The following DLC1 variants were observed in gnomAD, a reference collection of about 807,000 sequenced individuals.
DLC1 encodes the protein rho GTPase-activating protein 7.
In DLC1, 54 loss-of-function variants were observed where a neutral mutation model predicts 140.3. The observed-to-expected ratio is 0.38, with a 90% CI of 0.31 to 0.48. The LOEUF (loss-of-function observed/expected upper bound fraction) is 0.48. DLC1 is among the 20% of genes least tolerant of loss of function. DLC1 has a pLI of 0.96. For missense variants in DLC1, 2,536 were observed against 1,907.0 expected (o/e 1.33, Z -6.14); for synonymous variants, 986 against 728.1 (o/e 1.35, Z -5.70).
At chr8:13,169,338 A>G (rs1343255268) in intron 5 of DLC1, among the ~76,000 whole-genome samples, 3 of 152,232 alleles carry the variant, frequency 2.0e-5, no homozygotes, top group Non-Finnish European at 4.4e-5. Context: ...GTTGAATTAC[A>G]TATGAGAACG....
chr8:13,257,063 A>C (rs925033014), intron 5 of DLC1, among the ~76,000 whole-genome samples: 2 of 151,974 alleles, frequency 1.3e-5, no homozygotes, highest in African/African-American at 4.8e-5. Context: ...TTTTTATTGG[A>C]AGATATGATC....
At chr8:13,142,185 G>A (rs900601431) in intron 5 of DLC1, among the ~76,000 whole-genome samples, 12 of 152,284 alleles carry the variant, frequency 7.9e-5, no homozygotes, top group East Asian at 3.9e-4. Flanking sequence ...CCCCAGCGGT[G>A]GCGAACTGTG....
At chr8:13,590,098 G>A (rs1482261000) in intron 1 of DLC1, among the ~76,000 whole-genome samples, 1 of 121,548 alleles carries the variant, frequency 8.2e-6, no homozygotes, top group Non-Finnish European at 1.8e-5. Context: ...CTTTTATTTT[G>A]TTTTATTTTC....
intron 2 of DLC1, among the ~76,000 whole-genome samples, chr8:13,403,383 A>T (rs1174170856): frequency 6.6e-6 from 1 of 152,342 alleles, no homozygotes; most frequent in East Asian, 1.9e-4. Context: ...TATTTAGGTT[A>T]ATTCCCTTCT....
At chr8:13,308,143 T>G (rs893315774) in intron 4 of DLC1, among the ~76,000 whole-genome samples, 5 of 152,204 alleles carry the variant, frequency 3.3e-5, no homozygotes, top group African/African-American at 1.2e-4. Flanking sequence ...CATGTGTAAT[T>G]AAATATTTAA....
chr8:13,186,159 G>T (rs1371264503), intron 5 of DLC1, among the ~76,000 whole-genome samples: 1 of 152,046 alleles, frequency 6.6e-6, no homozygotes, highest in Non-Finnish European at 1.5e-5. Context: ...TATCTTTGTG[G>T]TGTTCTCTGT....
chr8:13,199,417 C>A (rs1384331940), intron 5 of DLC1, among the ~76,000 whole-genome samples: 1 of 151,944 alleles, frequency 6.6e-6, no homozygotes, highest in African/African-American at 2.4e-5. Context: ...CTCCAGGCCT[C>A]ACGCAATCCT....
chr8:13,526,199 C>T (rs1802917770), intron 1 of DLC1, among the ~76,000 whole-genome samples: 1 of 152,242 alleles, frequency 6.6e-6, no homozygotes, highest in Non-Finnish European at 1.5e-5. Flanking sequence ...CAATACCACA[C>T]TGCATTAACT....
At chr8:13,208,259 A>G (rs1827770361) in intron 5 of DLC1, among the ~76,000 whole-genome samples, 1 of 152,164 alleles carries the variant, frequency 6.6e-6, no homozygotes, top group African/African-American at 2.4e-5. Flanking sequence ...CAAGAAATTT[A>G]ATAAAATATG....
chr8:13,527,045 T>C (rs1802940428), intron 1 of DLC1, among the ~76,000 whole-genome samples: 1 of 152,162 alleles, frequency 6.6e-6, no homozygotes, highest in African/African-American at 2.4e-5. Flanking sequence ...TCCAGCAGCT[T>C]CAAAGATTCT....
At chr8:13,462,908 A>G (rs1214588467) in intron 2 of DLC1, among the ~76,000 whole-genome samples, 1 of 152,132 alleles carries the variant, frequency 6.6e-6, no homozygotes, top group East Asian at 1.9e-4. Flanking sequence ...AGCTACCCCT[A>G]TGGTTTTATT....
At chr8:13,181,262 C>A (rs968400171) in intron 5 of DLC1, among the ~76,000 whole-genome samples, 1 of 152,052 alleles carries the variant, frequency 6.6e-6, no homozygotes, top group South Asian at 2.1e-4. Flanking sequence ...ATGGCTGCTG[C>A]CTCAGCCTTC....
At chr8:13,514,973 C>A (rs998808764), upstream of DLC1, 3 of 248,436 alleles carry the variant, frequency 1.2e-5, no homozygotes, top group Admixed American at 1.1e-4. Context: ...GAGAGCCCAG[C>A]CGCCTGGGCG....
intron 1 of DLC1, among the ~76,000 whole-genome samples, chr8:13,544,014 T>A (rs1585258711): frequency 6.6e-6 from 1 of 151,694 alleles, no homozygotes; most frequent in South Asian, 2.1e-4. Flanking sequence ...TACAAAAATT[T>A]AAAAAAATAA....
chr8:13,229,557 C>T (rs952638378), intron 5 of DLC1, among the ~76,000 whole-genome samples: 3 of 151,214 alleles, frequency 2.0e-5, no homozygotes, highest in Non-Finnish European at 4.4e-5. Context: ...AAATTGTGTA[C>T]TTGAAATAGG....
intron 2 of DLC1, among the ~76,000 whole-genome samples, chr8:13,462,516 G>A (rs1208170565): frequency 2.7e-5 from 4 of 150,200 alleles, no homozygotes; most frequent in African/African-American, 7.4e-5. Flanking sequence ...CCATTCTCCT[G>A]CCCCAGCCTC....
chr8:13,390,367 T>C (rs1051214895), intron 4 of DLC1, among the ~76,000 whole-genome samples: 6 of 152,206 alleles, frequency 3.9e-5, no homozygotes, highest in Non-Finnish European at 8.8e-5. Flanking sequence ...CAGTCTATCA[T>C]TGATGGGCAT....
chr8:13,154,899 G>T (rs1039236653), intron 5 of DLC1, among the ~76,000 whole-genome samples: 2 of 151,860 alleles, frequency 1.3e-5, no homozygotes, highest in African/African-American at 4.9e-5. Flanking sequence ...TCCTATTATA[G>T]CAATCACTGT....
rs557435636 is a variant in DLC1, at chr8:13,565,609, G to C, written c.-126+38928C>G. On this transcript the variant is annotated intron_variant, in intron 1 of 1. Transcript: ENST00000631382. ...CTTGAGAGATGCTTTTTGAATATTT[G>C]ACTTTCACTTTTTGCCAGAATGAAC... is the stretch of plus-strand genomic sequence containing the variant. Among the ~76,000 whole-genome samples the C allele has an allele frequency of 6.6e-5, 10 of 152,158 alleles. No homozygotes were observed. In the East Asian group the frequency reaches 1.9e-3, roughly 29 times the overall value.
Sources: gnomAD v4.1 joint callset for allele counts (sites outside exome capture counted in the v4.1 genomes callset) on GRCh38, gnomAD v4.1.1 for gene constraint, MANE v1.5 for transcripts, NCBI Gene and HGNC (gene_info 2026-07-23, HGNC 2026-07-21) for gene names.